Variants in BCL2L2 observed in about 807,000 individuals in gnomAD.
BCL2L2 encodes BCL2 like 2.
In BCL2L2, 6 loss-of-function variants were observed where a neutral mutation model predicts 14.6. The observed-to-expected ratio is 0.41, with a 90% CI of 0.22 to 0.81. BCL2L2 has a LOEUF of 0.81. Among genes scored for constraint, BCL2L2 ranks in the 30% least tolerant of loss-of-function variants. The pLI is 0.32. For missense variants in BCL2L2, 191 were observed against 260.5 expected (o/e 0.73, Z 1.84); for synonymous variants, 90 against 108.5 (o/e 0.83, Z 1.06).
Position 23,310,092 on chromosome 14 carries a change from T to A in BCL2L2, c.*1127T>A. ...ACTGGCCTATGCTGTGTTGTGGGCT[T>A]TGGTTCGGCTTTATCAGGGGCCAGG... On this transcript the variant is annotated 3_prime_UTR_variant, in exon 4 of 4. Coordinates refer to ENST00000250405, the MANE Select transcript of BCL2L2 (RefSeq NM_004050.5). 1 of 985,484 alleles carries A rather than the reference T, an allele frequency of 1.0e-6. No individual in the cohort carries two copies. The highest frequency in any genetic ancestry group is 4.7e-5 in the South Asian group (1 of 21,288). 61.0% of individuals were successfully genotyped at this position (985,484 alleles called of 1,614,324 possible). A position where few individuals can be genotyped will look rare whatever the true frequency, so the allele number is the denominator to read the frequency against.
chr14:23,308,327 G>C lies in BCL2L2; in HGVS notation c.432+128G>C. On this transcript the variant is annotated intron_variant, in intron 3 of 3. Coordinates refer to ENST00000250405, the MANE Select transcript of BCL2L2 (RefSeq NM_004050.5). This position sits in a 1 kb window ranked among gnomAD's most constrained non-coding sequence, Gnocchi z 5.4. The stretch of plus-strand genomic sequence containing the variant: ...ATGAGGTACGGGGCTGAGTCTCCCC[G>C]TCTGGATGGAATTAGATTGAGAGAT... The C allele has an allele frequency of 7.6e-7, 1 of 1,324,352 alleles. No homozygotes were observed. The highest frequency in any genetic ancestry group is 2.5e-5 in the East Asian group (1 of 39,566). 82.0% of individuals were successfully genotyped at this position (1,324,352 alleles called of 1,614,324 possible). A position where few individuals can be genotyped will look rare whatever the true frequency, so the allele number is the denominator to read the frequency against.
rs776387011 is a variant in BCL2L2 at position 23,307,844 on chromosome 14, G to A, written c.77G>A (p.Gly26Asp). 1.9e-6 allele frequency: 3 copies of A among 1,607,000 alleles called. No homozygotes were observed. The highest frequency in any genetic ancestry group is 2.5e-6 in the Non-Finnish European group (3 of 1,176,958). The change falls in exon 3 of 4, where the codon GGT (glycine) becomes GAT (aspartate). Residue 26 changes from glycine to aspartate, a missense_variant. Coordinates refer to ENST00000250405, the MANE Select transcript of BCL2L2 (RefSeq NM_004050.5). The stretch of plus-strand genomic sequence containing the variant: ...GTAGGTTATAAGCTGAGGCAGAAGG[G>A]TTATGTCTGTGGAGCTGGCCCCGGG... ...DFVGYKLRQKGYVCGAGPGEG... is the reference protein window; with the variant it reads ...DFVGYKLRQKDYVCGAGPGEG...
Position 23,307,795 on chromosome 14 carries a change from A to G in BCL2L2, c.28A>G (p.Thr10Ala). ...GGCGACCCCAGCCTCGGCCCCAGAC[A>G]CACGGGCTCTGGTGGCAGACTTTGT... MATPASAPDTRALVADFVGY... is the reference protein window; with the variant it reads MATPASAPDARALVADFVGY... The change falls in exon 3 of 4, where the codon ACA becomes GCA. Residue 10 changes from threonine (T) to alanine (A), a missense_variant. Coordinates refer to ENST00000250405, the MANE Select transcript of BCL2L2 (RefSeq NM_004050.5). 2 of 1,538,286 alleles carry G rather than the reference A, an allele frequency of 1.3e-6. No homozygotes were observed. The highest frequency in any genetic ancestry group is 1.7e-6 in the Non-Finnish European group (2 of 1,144,358).
Position 23,310,938 on chromosome 14 carries a change from C to T in BCL2L2, c.*1973C>T, listed in dbSNP as rs112390836. On this transcript the variant is annotated 3_prime_UTR_variant, in exon 4 of 4. Coordinates refer to ENST00000250405, the MANE Select transcript of BCL2L2 (RefSeq NM_004050.5). ...GTTGGAAAACCACTGACTAGACCAT[C>T]GGCTCCAAATTGGAGTCTGTGCTTC... 2.5e-5 allele frequency: 32 copies of T among 1,289,590 alleles called. No individual in the cohort carries two copies. The highest frequency in any genetic ancestry group is 2.5e-5 in the South Asian group (2 of 81,028). 79.9% of individuals were successfully genotyped at this position (1,289,590 alleles called of 1,614,324 possible).
Position 23,311,487 on chromosome 14 carries a change from G to A in BCL2L2, c.*2522G>A. ...TGTTTAGGCCAAGGAAGGAGCGGAA[G>A]TAGGGCAACTCGGTCCTGCGATTAT... On this transcript the variant is annotated 3_prime_UTR_variant, in exon 4 of 4. Transcript: ENST00000250405. The A allele has an allele frequency of 8.9e-6, 9 of 1,010,816 alleles. No homozygotes were observed. The highest frequency in any genetic ancestry group is 1.1e-5 in the Non-Finnish European group (9 of 846,844). 62.6% of individuals were successfully genotyped at this position (1,010,816 alleles called of 1,614,324 possible). A position where few individuals can be genotyped will look rare whatever the true frequency, so the allele number is the denominator to read the frequency against.
Position 23,311,237 on chromosome 14 carries a change from C to A in BCL2L2, c.*2272C>A. On this transcript the variant is annotated 3_prime_UTR_variant, in exon 4 of 4. Transcript: ENST00000250405. ...CTGCCCTTCTTAGCTTGAAGGGAAA[C>A]CCCAGAGACTCTTCTGTCAGGGAAA... 1 of 1,227,346 alleles carries A rather than the reference C, an allele frequency of 8.1e-7. No individual in the cohort carries two copies. The highest frequency in any genetic ancestry group is 3.6e-5 in the Admixed American group (1 of 28,080). The allele number at this position is 1,227,346 out of a possible 1,614,324, so 76.0% of individuals were successfully genotyped here. A position where few individuals can be genotyped will look rare whatever the true frequency, so the allele number is the denominator to read the frequency against.
chr14:23,310,754 G>C lies in BCL2L2; in HGVS notation c.*1789G>C. 1.7e-6 allele frequency: 2 copies of C among 1,193,346 alleles called. No homozygotes were observed. The highest frequency in any genetic ancestry group is 2.1e-6 in the Non-Finnish European group (2 of 945,088). 73.9% of individuals were successfully genotyped at this position (1,193,346 alleles called of 1,614,324 possible). ...CTTGGCAGAGCCCTGAAGTTTCCTA[G>C]GGGTTGCCTCAGGAGTCCTTGGGGA... On this transcript the variant is annotated 3_prime_UTR_variant, in exon 4 of 4. Coordinates refer to ENST00000250405, the MANE Select transcript of BCL2L2 (RefSeq NM_004050.5).
Position 23,307,971 on chromosome 14 carries a change from G to A in BCL2L2, c.204G>A (p.Leu68=). 6.2e-7 allele frequency: 1 copy of A among 1,614,132 alleles called. No individual in the cohort carries two copies. The highest frequency in any genetic ancestry group is 8.5e-7 in the Non-Finnish European group (1 of 1,180,012). The change falls in exon 3 of 4, where the codon CTG becomes CTA. Residue 68 remains leucine (L), a synonymous_variant. Transcript: ENST00000250405. Reference sequence around the variant, plus strand: ...CCTTCTCTGATCTGGCGGCTCAGCTGCATGTGACCCCAGGCTCAGCCCAAC... The same window carrying A: ...CCTTCTCTGATCTGGCGGCTCAGCTACATGTGACCCCAGGCTCAGCCCAAC... ...RRTFSDLAAQ[L]HVTPGSAQQR... is the part of the protein sequence containing the mutation.
chr14:23,307,784 C>G lies in BCL2L2; in HGVS notation c.17C>G (p.Ser6Trp), dbSNP rs1414276111. Residue 6 changes from serine to tryptophan, a missense_variant, in exon 3 of 4, where the codon TCG (serine) becomes TGG (tryptophan). Physicochemically the swap from Ser to Trp is radical, Grantham distance 177. Coordinates refer to ENST00000250405, the MANE Select transcript of BCL2L2 (RefSeq NM_004050.5). MATPA[S>W]APDTRALVAD... ...GCCGCCCGGATGGCGACCCCAGCCT[C>G]GGCCCCAGACACACGGGCTCTGGTG... 1 of 1,526,236 alleles carries G rather than the reference C, an allele frequency of 6.6e-7. No individual in the cohort carries two copies. 94.5% of individuals were successfully genotyped at this position (1,526,236 alleles called of 1,614,324 possible).
Position 23,309,912 on chromosome 14 carries a change from G to T in BCL2L2, c.*947G>T. 1.0e-6 allele frequency: 1 copy of T among 985,406 alleles called. No homozygotes were observed. The highest frequency in any genetic ancestry group is 1.2e-6 in the Non-Finnish European group (1 of 829,938). 61.0% of individuals were successfully genotyped at this position (985,406 alleles called of 1,614,324 possible). On this transcript the variant is annotated 3_prime_UTR_variant, in exon 4 of 4. Coordinates refer to ENST00000250405, the MANE Select transcript of BCL2L2 (RefSeq NM_004050.5). Reference sequence around the variant, plus strand: ...TACCCAAACTGAAACTCTAAATTGGGGCCCTAACTAATTTTCCTTTTGAGG... The same window carrying T: ...TACCCAAACTGAAACTCTAAATTGGTGCCCTAACTAATTTTCCTTTTGAGG...
chr14:23,310,818 G>T lies in BCL2L2; in HGVS notation c.*1853G>T. 2 of 1,205,776 alleles carry T rather than the reference G, an allele frequency of 1.7e-6. No individual in the cohort carries two copies. Among genetic ancestry groups the T allele is most frequent in the Non-Finnish European group, 2.1e-6 (2 of 936,502 alleles). The allele number at this position is 1,205,776 out of a possible 1,614,324, so 74.7% of individuals were successfully genotyped here. ...GGGAGCTGAGCAGGCTGGGCAATTT[G>T]CCCTCAAACAGAACAGCTCCCCTTG... On this transcript the variant is annotated 3_prime_UTR_variant, in exon 4 of 4. Transcript: ENST00000250405.
Position 23,308,814 on chromosome 14 carries a change from A to T in BCL2L2, c.433-2A>T. 1 of 1,321,000 alleles carries T rather than the reference A, an allele frequency of 7.6e-7. No individual in the cohort carries two copies. Among genetic ancestry groups the T allele is most frequent in the Non-Finnish European group, 9.7e-7 (1 of 1,027,414 alleles). 81.8% of individuals were successfully genotyped at this position (1,321,000 alleles called of 1,614,324 possible). On this transcript the variant is annotated splice_acceptor_variant, in intron 3 of 3. Coordinates refer to ENST00000250405, the MANE Select transcript of BCL2L2 (RefSeq NM_004050.5). LOFTEE classifies it high-confidence loss of function. This position sits in a 1 kb window ranked among gnomAD's most constrained non-coding sequence, Gnocchi z 5.4. Reference sequence around the variant, plus strand: ...CTCTCCTGCTTCCCTTCTCTCCCACAGGCGGAGTTCACAGCTCTATACGGG... The same window carrying T: ...CTCTCCTGCTTCCCTTCTCTCCCACTGGCGGAGTTCACAGCTCTATACGGG...
chr14:23,309,718 C>T lies in BCL2L2; in HGVS notation c.*753C>T. ...CAGCTGGCCTTGTTCCTTCATCATC[C>T]CCCTTCCTTGTGCATTATGCACTTG... On this transcript the variant is annotated 3_prime_UTR_variant, in exon 4 of 4. Transcript: ENST00000250405. The T allele has an allele frequency of 1.0e-6, 1 of 985,632 alleles. No homozygotes were observed. The highest frequency in any genetic ancestry group is 1.2e-6 in the Non-Finnish European group (1 of 830,054). The allele number at this position is 985,632 out of a possible 1,614,324, so 61.1% of individuals were successfully genotyped here. A position where few individuals can be genotyped will look rare whatever the true frequency, so the allele number is the denominator to read the frequency against.
At position 23,308,455 on chromosome 14, in the gene BCL2L2, A is replaced by G. The variant is rs1887395286; in HGVS notation, c.432+256A>G. 6.6e-6 allele frequency among the ~76,000 whole-genome samples: 1 copy of G among 151,990 alleles called. No homozygotes were observed. The highest frequency in any genetic ancestry group is 6.5e-5 in the Admixed American group (1 of 15,270). ...ACACCCAAGGAGTGCCTGCAGGGGAATGTTGTCAGGGACTTTTTACATCTG... is the reference window on the plus strand; with the variant it reads ...ACACCCAAGGAGTGCCTGCAGGGGAGTGTTGTCAGGGACTTTTTACATCTG... On this transcript the variant is annotated intron_variant, in intron 3 of 3. Coordinates refer to ENST00000250405, the MANE Select transcript of BCL2L2 (RefSeq NM_004050.5). This position sits in a 1 kb window ranked among gnomAD's most constrained non-coding sequence, Gnocchi z 5.4.
chr14:23,311,414 G>A lies in BCL2L2; in HGVS notation c.*2449G>A, dbSNP rs1887606357. 9.2e-7 allele frequency: 1 copy of A among 1,082,962 alleles called. No homozygotes were observed. The highest frequency in any genetic ancestry group is 2.5e-5 in the South Asian group (1 of 40,614). 67.1% of individuals were successfully genotyped at this position (1,082,962 alleles called of 1,614,324 possible). A position where few individuals can be genotyped will look rare whatever the true frequency, so the allele number is the denominator to read the frequency against. ...CCATTTTTCAAAGATTAAGTAGGAG[G>A]AGAGGGGTTTCTTGCTCTCCAGAGC... On this transcript the variant is annotated 3_prime_UTR_variant, in exon 4 of 4. Transcript: ENST00000250405.
chr14:23,306,989 C>G (rs138760666), intron 1 of BCL2L2, 95 bp downstream of exon 1: 2 of 152,574 alleles, frequency 1.3e-5, no homozygotes, highest in Non-Finnish European at 2.9e-5. Flanking sequence ...TAGGGGGAAC[C>G]GGGAATAGAG....
Position 23,310,697 on chromosome 14 carries a change from C to A in BCL2L2, c.*1732C>A. ...TGGGGTGGGGGGTCTCTGACTTGCTCAGGACAAACTAGGCCAGTGGTTTTC... is the reference window on the plus strand; with the variant it reads ...TGGGGTGGGGGGTCTCTGACTTGCTAAGGACAAACTAGGCCAGTGGTTTTC... On this transcript the variant is annotated 3_prime_UTR_variant, in exon 4 of 4. Coordinates refer to ENST00000250405, the MANE Select transcript of BCL2L2 (RefSeq NM_004050.5). 1 of 1,165,840 alleles carries A rather than the reference C, an allele frequency of 8.6e-7. No homozygotes were observed. The highest frequency in any genetic ancestry group is 1.1e-6 in the Non-Finnish European group (1 of 932,614). 72.2% of individuals were successfully genotyped at this position (1,165,840 alleles called of 1,614,324 possible). A position where few individuals can be genotyped will look rare whatever the true frequency, so the allele number is the denominator to read the frequency against.
rs576374293 is a variant in BCL2L2, at chr14:23,310,133, G to A, written c.*1168G>A. ...AGGGGCCAGGCATATGGGTTCTAGA[G>A]TACCTACCATGACCTAGAAGCATTT... On this transcript the variant is annotated 3_prime_UTR_variant, in exon 4 of 4. Coordinates refer to ENST00000250405, the MANE Select transcript of BCL2L2 (RefSeq NM_004050.5). 9.3e-4 allele frequency: 912 copies of A among 985,558 alleles called. 2 individuals carry two copies. Among genetic ancestry groups the A allele is most frequent in the South Asian group, 2.3e-3 (49 of 21,290 alleles). 61.1% of individuals were successfully genotyped at this position (985,558 alleles called of 1,614,324 possible).
chr14:23,309,090 A>T lies in BCL2L2; in HGVS notation c.*125A>T, dbSNP rs1440086723. On this transcript the variant is annotated 3_prime_UTR_variant, in exon 4 of 4. Transcript: ENST00000250405. ...GGCATGGAACAGGATGGGCAGAGAAAGGGTAGTGTGTGAGGGAGCTGAGTA... is the reference window on the plus strand; with the variant it reads ...GGCATGGAACAGGATGGGCAGAGAATGGGTAGTGTGTGAGGGAGCTGAGTA... The T allele has an allele frequency of 5.6e-6, 7 of 1,257,426 alleles. No homozygotes were observed. Among genetic ancestry groups the T allele is most frequent in the South Asian group, 7.9e-5 (2 of 25,466 alleles). The allele number at this position is 1,257,426 out of a possible 1,614,324, so 77.9% of individuals were successfully genotyped here.
Sources: allele counts gnomAD v4.1 joint callset (sites outside exome capture counted in the v4.1 genomes callset), GRCh38; gene constraint gnomAD v4.1.1; non-coding constraint Gnocchi (gnomAD v3.1); transcripts MANE v1.5; gene names NCBI Gene and HGNC (gene_info 2026-07-23, HGNC 2026-07-21).